BCKDHA: variants seen among roughly 807,000 people sequenced by gnomAD.
BCKDHA encodes 2-oxoisovalerate dehydrogenase subunit alpha, mitochondrial.
BCKDHA carries 43 observed loss-of-function variants against 52.2 expected under a neutral mutation model. The observed-to-expected ratio is 0.82, with a 90% CI of 0.64 to 1.06. BCKDHA has a LOEUF of 1.06. Among genes scored for constraint, BCKDHA ranks in the 50% least tolerant of loss-of-function variants. The probability of loss-of-function intolerance (pLI) is 0.00; values close to 1 mark genes in which losing one functional copy is unlikely to be tolerated. For synonymous variants in BCKDHA, 234 were observed against 247.9 expected (o/e 0.94, Z 0.53); for missense variants, 527 against 621.3 (o/e 0.85, Z 1.61).
chr19:41,422,315 C>A lies in BCKDHA; in HGVS notation c.798C>A (p.Asn266Lys). ...LECPIIFFCR[N>K]NGYAISTPTS... is the part of the protein sequence containing the mutation. Reference sequence around the variant, plus strand: ...GCCCCATCATCTTCTTCTGCCGGAACAATGGCTACGCCATCTCCACGCCCA... The same window carrying A: ...GCCCCATCATCTTCTTCTGCCGGAAAAATGGCTACGCCATCTCCACGCCCA... Residue 266 changes from asparagine (N) to lysine (K), a missense_variant, in exon 6 of 9, where the codon AAC (asparagine) becomes AAA (lysine). Coordinates refer to ENST00000269980, the MANE Select transcript of BCKDHA (RefSeq NM_000709.4). 6.2e-7 allele frequency: 1 copy of A among 1,614,220 alleles called. No homozygotes were observed. Among genetic ancestry groups the A allele is most frequent in the Non-Finnish European group, 8.5e-7 (1 of 1,180,026 alleles).
chr19:41,409,384 T>C (rs951337124), intron 1 of BCKDHA, among the ~76,000 whole-genome samples: 1 of 152,184 alleles, frequency 6.6e-6, no homozygotes, highest in Non-Finnish European at 1.5e-5. Context: ...ACTTGTTTAG[T>C]GTCTGCCCTC....
intron 1 of BCKDHA, among the ~76,000 whole-genome samples, chr19:41,408,072 C>T (rs936072905): frequency 2.6e-5 from 4 of 151,704 alleles, no homozygotes; most frequent in Non-Finnish European, 5.9e-5. Context: ...CCTCCTGCCT[C>T]AGCCTCCCAA....
At chr19:41,408,279 T>A (rs551652195) in intron 1 of BCKDHA, among the ~76,000 whole-genome samples, 146 of 151,622 alleles carry the variant, frequency 9.6e-4, no homozygotes, top group African/African-American at 2.5e-3. Context: ...TTTTTTTTTT[T>A]AAATTTGTGG....
intron 4 of BCKDHA, chr19:41,418,705 AT>A (rs745426524): frequency 0.15 from 54,361 of 361,430 alleles, 53 homozygotes; most frequent in South Asian, 0.2. Context: ...TAATGTTTTG[AT>A]TTTTTTTTTT....
intron 2 of BCKDHA, 36 bp from the exon 3 acceptor site, chr19:41,410,887 C>CA (rs780656085): frequency 2.5e-6 from 4 of 1,613,666 alleles, no homozygotes; most frequent in East Asian, 4.5e-5. Flanking sequence ...TCTCTGGTCC[C>CA]AACTGCCCCA....
intron 4 of BCKDHA, among the ~76,000 whole-genome samples, chr19:41,414,675 G>C (rs569513257): frequency 6.6e-6 from 1 of 152,140 alleles, no homozygotes; most frequent in Non-Finnish European, 1.5e-5. Context: ...GCCCAGATGA[G>C]TGAAAGGAAG....
intron 5 of BCKDHA, among the ~76,000 whole-genome samples, chr19:41,421,170 T>C (rs2039360005): frequency 6.6e-6 from 1 of 152,204 alleles, no homozygotes; most frequent in Non-Finnish European, 1.5e-5. Flanking sequence ...GGCGTGGCCC[T>C]AACCTTCCCT....
chr19:41,416,570 G>A (rs139053709), intron 4 of BCKDHA, among the ~76,000 whole-genome samples: 180 of 152,314 alleles, frequency 1.2e-3, no homozygotes, highest in Admixed American at 3.0e-3. Flanking sequence ...AGGGCTATAT[G>A]TGGAGTATCA....
At chr19:41,398,837 C>A (rs112929552) in intron 1 of BCKDHA, among the ~76,000 whole-genome samples, 1 of 20,522 alleles carries the variant, frequency 4.9e-5, no homozygotes, top group African/African-American at 6.9e-4. Context: ...TAGCCTTGGC[C>A]AACGGACTGC....
intron 1 of BCKDHA, among the ~76,000 whole-genome samples, chr19:41,410,140 C>T (rs944191097): frequency 2.6e-5 from 4 of 152,250 alleles, no homozygotes; most frequent in South Asian, 4.1e-4. Flanking sequence ...TGAGTAGCTT[C>T]GCTGGTGTAT....
At position 41,424,920 on chromosome 19, in the gene BCKDHA, G is replaced by A; in HGVS notation, c.*312G>A. On this transcript the variant is annotated 3_prime_UTR_variant, in exon 9 of 9. Coordinates refer to ENST00000269980, the MANE Select transcript of BCKDHA (RefSeq NM_000709.4). ...CCCCTCTGGGCATGGGGTGGACATG[G>A]CAGGTCAGCCTGTGGAACTTGCGCA... 3.2e-6 allele frequency: 1 copy of A among 314,886 alleles called. No homozygotes were observed. The allele number at this position is 314,886 out of a possible 1,614,324, so 19.5% of individuals were successfully genotyped here.
At chr19:41,413,955 A>C in intron 3 of BCKDHA, 94 bp from the exon 4 acceptor site, 1 of 1,066,698 alleles carries the variant, frequency 9.4e-7, no homozygotes. Context: ...CTGTGAATTC[A>C]TGGAGGTGTT....
chr19:41,422,097 T>G, intron 5 of BCKDHA, 67 bp from the exon 6 acceptor site: 2 of 1,480,248 alleles, frequency 1.4e-6, no homozygotes, highest in Non-Finnish European at 1.9e-6. Flanking sequence ...GTGGGTCATG[T>G]GAGTGTGAAT....
intron 1 of BCKDHA, among the ~76,000 whole-genome samples, chr19:41,401,821 C>T (rs1179434451): frequency 3.3e-5 from 5 of 152,190 alleles, no homozygotes; most frequent in Admixed American, 1.3e-4. Flanking sequence ...TGCTAATTAT[C>T]GGTGACTATT....
intron 4 of BCKDHA, among the ~76,000 whole-genome samples, chr19:41,415,654 C>CT (rs761831768): frequency 3.4e-3 from 499 of 146,768 alleles, no homozygotes; most frequent in East Asian, 0.016. Context: ...TTTTCTTCTC[C>CT]TTTTTTTTTT....
intron 1 of BCKDHA, among the ~76,000 whole-genome samples, chr19:41,403,059 A>G (rs567477944): frequency 2.0e-5 from 3 of 152,274 alleles, no homozygotes; most frequent in Admixed American, 6.5e-5. Context: ...GGTCCTTCAG[A>G]TGATGGCTGA....
At chr19:41,418,675 CA>C (rs1568506357) in intron 4 of BCKDHA, 1 of 438,116 alleles carries the variant, frequency 2.3e-6, no homozygotes, top group Admixed American at 2.5e-5. Context: ...GAACCACAGG[CA>C]CACATCACCA....
chr19:41,412,400 C>CTTTTTTTTTTTTTTTTTTTTTTTTTTTTT (rs1555765814), intron 3 of BCKDHA, among the ~76,000 whole-genome samples: 52 of 58,144 alleles, frequency 8.9e-4, no homozygotes, highest in African/African-American at 1.3e-3. Context: ...TTTTTTTTTA[C>CTTTTTTTTTTTTTTTTTTTTTTTTTTTTT]TTTTGAGATG....
rs988176395 is a variant in BCKDHA at position 41,419,257 on chromosome 19, G to A, written c.607G>A (p.Val203Ile). ...CTACGGCTGCAAGGAACGCCACTTC[G>A]TCACTATCTCCTCTCCACTGGCCAC... ...VHYGCKERHF[V>I]TISSPLATQI... Residue 203 changes from valine to isoleucine, a missense_variant, in exon 5 of 9, where the codon GTC becomes ATC. By Grantham distance (29) the Val-to-Ile change is conservative. Coordinates refer to ENST00000269980, the MANE Select transcript of BCKDHA (RefSeq NM_000709.4). 4.2e-5 allele frequency: 68 copies of A among 1,614,004 alleles called. No homozygotes were observed. The highest frequency in any genetic ancestry group is 5.3e-5 in the African/African-American group (4 of 74,934).
Sources: allele counts gnomAD v4.1 joint callset (sites outside exome capture counted in the v4.1 genomes callset), GRCh38; gene constraint gnomAD v4.1.1; transcripts MANE v1.5; gene names NCBI Gene and HGNC (gene_info 2026-07-23, HGNC 2026-07-21).